Variants in AGTPBP1 observed in about 807,000 individuals in gnomAD.
The protein encoded by AGTPBP1 is ATP/GTP binding carboxypeptidase 1.
In AGTPBP1, 70 loss-of-function variants were observed where a neutral mutation model predicts 143.9. The observed-to-expected ratio is 0.49, with a 90% CI of 0.40 to 0.59. The LOEUF is 0.59. Ranked by LOEUF, AGTPBP1 falls within the 20% of genes least tolerant of loss-of-function variation. The pLI is 0.00. For synonymous variants in AGTPBP1, 463 were observed against 500.2 expected, an observed-to-expected ratio of 0.93 and a Z score of 0.99; for missense variants, 1,229 against 1,464.5, an observed-to-expected ratio of 0.84 and a Z score of 2.62.
chr9:85,759,194 C>A, the AGTPBP1 span, among the ~76,000 whole-genome samples: 1 of 152,128 alleles, frequency 6.6e-6, no homozygotes, highest in Non-Finnish European at 1.5e-5. Flanking sequence ...ACCCCACTGT[C>A]AATATTAGAC....
chr9:85,711,882 C>CA (rs895549760), intron 2 of AGTPBP1, among the ~76,000 whole-genome samples: 3 of 151,676 alleles, frequency 2.0e-5, no homozygotes, highest in Non-Finnish European at 4.4e-5. Context: ...GGCTGTGTTC[C>CA]AAAAAAACAC....
At chr9:85,725,255 A>G (rs1012892654) in intron 1 of AGTPBP1, among the ~76,000 whole-genome samples, 1 of 152,236 alleles carries the variant, frequency 6.6e-6, no homozygotes, top group Non-Finnish European at 1.5e-5. Context: ...TCCACAAGAT[A>G]TTGAAGATAC....
intron 17 of AGTPBP1, among the ~76,000 whole-genome samples, chr9:85,611,923 A>G (rs1422194999): frequency 6.6e-6 from 1 of 151,958 alleles, no homozygotes; most frequent in African/African-American, 2.4e-5. Flanking sequence ...CTTGTGATCT[A>G]CCCACCTCAG....
Position 85,692,682 on chromosome 9 carries a change from T to C in AGTPBP1, c.157+7A>G. 3 of 1,612,322 alleles carry C rather than the reference T, an allele frequency of 1.9e-6. No homozygotes were observed. The highest frequency in any genetic ancestry group is 2.5e-6 in the Non-Finnish European group (3 of 1,179,542). On this transcript the variant is annotated splice_region_variant and intron_variant, in intron 3 of 25. Coordinates refer to ENST00000357081, the MANE Select transcript of AGTPBP1 (RefSeq NM_001330701.2). The stretch of plus-strand genomic sequence containing the variant: ...ATTTCAAAAACAAAGAAGAGATCAA[T>C]GTTTACCTTGACTCTGAGCCAGATG...
the AGTPBP1 span, among the ~76,000 whole-genome samples, chr9:85,747,506 A>G: frequency 6.6e-6 from 1 of 152,224 alleles, no homozygotes; most frequent in Non-Finnish European, 1.5e-5. Flanking sequence ...ATCCACGAGC[A>G]TGGGAAGTCT....
intron 15 of AGTPBP1, among the ~76,000 whole-genome samples, chr9:85,620,716 T>G (rs2133549477): frequency 6.6e-6 from 1 of 152,200 alleles, no homozygotes; most frequent in East Asian, 1.9e-4. Context: ...GCAGGCAACC[T>G]AAATGACTGA....
At chr9:85,729,386 T>C (rs1838730756) in intron 1 of AGTPBP1, among the ~76,000 whole-genome samples, 1 of 152,144 alleles carries the variant, frequency 6.6e-6, no homozygotes, top group Non-Finnish European at 1.5e-5. Context: ...ACTAACTGAA[T>C]TAAAGACCTA....
chr9:85,575,990 T>G (rs1304014158), intron 24 of AGTPBP1, among the ~76,000 whole-genome samples: 4 of 152,180 alleles, frequency 2.6e-5, no homozygotes, highest in Non-Finnish European at 4.4e-5. Context: ...GAATCAAATC[T>G]AAGCCAATGA....
At chr9:85,646,535 G>T in intron 11 of AGTPBP1, 117 bp from the exon 12 acceptor site, 1 of 728,556 alleles carries the variant, frequency 1.4e-6, no homozygotes, top group Non-Finnish European at 2.3e-6. Context: ...AAGTAAATGA[G>T]ATTTCTTATT....
At chr9:85,576,049 A>G (rs1298201218) in intron 24 of AGTPBP1, among the ~76,000 whole-genome samples, 4 of 152,196 alleles carry the variant, frequency 2.6e-5, no homozygotes, top group South Asian at 2.1e-4. Context: ...CAGAATGCTC[A>G]TTTCAAATTT....
At chr9:85,754,342 C>T in the AGTPBP1 span, among the ~76,000 whole-genome samples, 1 of 152,184 alleles carries the variant, frequency 6.6e-6, no homozygotes, top group African/African-American at 2.4e-5. Context: ...AGGTGCCCAC[C>T]ACCATGCCCG....
chr9:85,657,751 T>A (rs1833617494), intron 9 of AGTPBP1, 108 bp from the exon 10 acceptor site: 2 of 687,538 alleles, frequency 2.9e-6, no homozygotes, highest in East Asian at 5.9e-5. Context: ...TACTTATAAT[T>A]CTTTTTTCCA....
At chr9:85,631,447 G>A (rs1831671744) in intron 14 of AGTPBP1, among the ~76,000 whole-genome samples, 1 of 152,214 alleles carries the variant, frequency 6.6e-6, no homozygotes, top group African/African-American at 2.4e-5. Flanking sequence ...CACTCCACGA[G>A]GCCAGCTGCC....
At chr9:85,775,175 G>T in the AGTPBP1 span, among the ~76,000 whole-genome samples, 5 of 151,950 alleles carry the variant, frequency 3.3e-5, no homozygotes, top group African/African-American at 1.2e-4. Context: ...GTGGTGGCAC[G>T]CACCTGTAGT....
At chr9:85,647,367 C>T (rs961188142) in intron 11 of AGTPBP1, among the ~76,000 whole-genome samples, 2 of 152,192 alleles carry the variant, frequency 1.3e-5, no homozygotes, top group Non-Finnish European at 2.9e-5. Context: ...ATTGGACATG[C>T]TTGGTGTAAA....
At chr9:85,741,613 G>A in intron 1 of AGTPBP1, 162 bp downstream of exon 1, 7 of 985,362 alleles carry the variant, frequency 7.1e-6, no homozygotes, top group Non-Finnish European at 8.4e-6. Flanking sequence ...TTCCCCTCAC[G>A]CGTCACATGT....
the AGTPBP1 span, among the ~76,000 whole-genome samples, chr9:85,776,677 A>T: frequency 6.6e-6 from 1 of 152,166 alleles, no homozygotes; most frequent in African/African-American, 2.4e-5. Context: ...TGCTGACTTA[A>T]TGGTAGGTAG....
chr9:85,762,214 G>A, the AGTPBP1 span, among the ~76,000 whole-genome samples: 2,326 of 152,066 alleles, frequency 0.015, 55 homozygotes, highest in African/African-American at 0.053. Context: ...ACAGTGTGGC[G>A]ATTCCTCAAG....
intron 25 of AGTPBP1, among the ~76,000 whole-genome samples, chr9:85,562,293 A>G: frequency 6.6e-6 from 1 of 152,136 alleles, no homozygotes; most frequent in Non-Finnish European, 1.5e-5. Flanking sequence ...GTAGATTTAA[A>G]CCTAAATATG....
Sources: allele counts gnomAD v4.1 joint callset (sites outside exome capture counted in the v4.1 genomes callset), GRCh38; gene constraint gnomAD v4.1.1; transcripts MANE v1.5; gene names NCBI Gene and HGNC (gene_info 2026-07-23, HGNC 2026-07-21).